PSEN1: variants seen among roughly 807,000 people sequenced by gnomAD.
PSEN1 encodes presenilin 1, also known as presenilin-1.
Under a neutral mutation model 53.5 loss-of-function variants are expected in PSEN1, and 15 were observed. The observed-to-expected ratio is 0.28, with a 90% CI of 0.19 to 0.43. The LOEUF is 0.43. Among genes scored for constraint, PSEN1 ranks in the 20% least tolerant of loss-of-function variants. The probability of loss-of-function intolerance (pLI) is 1.00; values close to 1 mark genes in which losing one functional copy is unlikely to be tolerated. For synonymous variants in PSEN1, 208 were observed against 209.8 expected (o/e 0.99, Z 0.08); for missense variants, 387 against 571.2 (o/e 0.68, Z 3.29).
chr14:73,200,280 G>T (rs576880310), intron 8 of PSEN1, among the ~76,000 whole-genome samples: 18 of 151,308 alleles, frequency 1.2e-4, no homozygotes, highest in African/African-American at 3.2e-4. Context: ...AATCTTTTTT[G>T]TGTGTGTGTG....
At chr14:73,193,606 A>G (rs1480442435) in intron 7 of PSEN1, among the ~76,000 whole-genome samples, 1 of 151,542 alleles carries the variant, frequency 6.6e-6, no homozygotes, top group African/African-American at 2.4e-5. Flanking sequence ...GACACACAAA[A>G]TGCTCAATTC....
In PSEN1 at chr14:73,198,075, G is replaced by T; in HGVS notation, c.814G>T (p.Val272Phe). The T allele has an allele frequency of 6.2e-7, 1 of 1,613,104 alleles. No individual in the cohort carries two copies. The highest frequency in any genetic ancestry group is 1.1e-5 in the South Asian group (1 of 91,002). Residue 272 changes from valine to phenylalanine, a missense_variant, in exon 8 of 12, where the codon GTT becomes TTT. Transcript: ENST00000324501. The stretch of plus-strand genomic sequence containing the variant: ...TCCGAAAGGTCCACTTCGTATGCTG[G>T]TTGAAACAGCTCAGGAGAGAAATGA... ...LCPKGPLRML[V>F]ETAQERNETL...
At chr14:73,194,427 A>T (rs1425262035) in intron 7 of PSEN1, among the ~76,000 whole-genome samples, 2 of 151,758 alleles carry the variant, frequency 1.3e-5, no homozygotes, top group African/African-American at 4.8e-5. Flanking sequence ...TAATTTTTTA[A>T]AAAAAAATTT....
chr14:73,184,653 C>G (rs1595020730), intron 5 of PSEN1, among the ~76,000 whole-genome samples: 1 of 147,294 alleles, frequency 6.8e-6, no homozygotes. Context: ...GGCTGACCCC[C>G]CCACCTCCCT....
intron 3 of PSEN1, among the ~76,000 whole-genome samples, chr14:73,156,725 T>C (rs1021593427): frequency 3.3e-5 from 5 of 151,910 alleles, no homozygotes; most frequent in African/African-American, 9.6e-5. Flanking sequence ...TGCAGTGGCA[T>C]GATCTCGGCT....
intron 1 of PSEN1, among the ~76,000 whole-genome samples, chr14:73,138,642 G>T (rs1448905658): frequency 2.0e-5 from 3 of 151,958 alleles, no homozygotes; most frequent in Non-Finnish European, 2.9e-5. Context: ...ACAAGCCACT[G>T]TGCCTAGCCA....
intron 3 of PSEN1, among the ~76,000 whole-genome samples, chr14:73,152,156 C>T (rs1897250127): frequency 6.7e-6 from 1 of 149,614 alleles, no homozygotes; most frequent in South Asian, 2.1e-4. Context: ...TCGTGATTCG[C>T]CCGTCTCGGC....
intron 8 of PSEN1, among the ~76,000 whole-genome samples, chr14:73,201,066 A>G (rs1422309795): frequency 6.7e-6 from 1 of 148,518 alleles, no homozygotes; most frequent in African/African-American, 2.6e-5. Flanking sequence ...CCAAAAAAAG[A>G]GAATATCTTT....
At chr14:73,142,068 A>C (rs1896945720) in intron 1 of PSEN1, among the ~76,000 whole-genome samples, 1 of 147,498 alleles carries the variant, frequency 6.8e-6, no homozygotes, top group Non-Finnish European at 1.5e-5. Flanking sequence ...CTCCGTCTCA[A>C]AAAAAAAAAA....
Position 73,219,404 on chromosome 14 carries a change from AC to A in PSEN1, c.*116del. 1 of 1,201,584 alleles carries A rather than the reference AC, an allele frequency of 8.3e-7. No individual in the cohort carries two copies. Among genetic ancestry groups the A allele is most frequent in the Admixed American group, 1.7e-5 (1 of 58,572 alleles). The allele number at this position is 1,201,584 out of a possible 1,614,324, so 74.4% of individuals were successfully genotyped here. A position where few individuals can be genotyped will look rare whatever the true frequency, so the allele number is the denominator to read the frequency against. ...TAACAAAGTCAAGATTCCCGGCTGG[AC>A]TTTTGCAGCTTCCTTCCAAGTCTTC... On this transcript the variant is annotated 3_prime_UTR_variant, in exon 12 of 12. Coordinates refer to ENST00000324501, the MANE Select transcript of PSEN1 (RefSeq NM_000021.4).
In PSEN1 at chr14:73,198,027, C is replaced by G. The variant is rs1566645402; in HGVS notation, c.770-4C>G. The G allele has an allele frequency of 6.4e-7, 1 of 1,569,334 alleles. No individual in the cohort carries two copies. The highest frequency in any genetic ancestry group is 8.8e-7 in the Non-Finnish European group (1 of 1,140,238). ...AGATGTCTTTTATGTTTTTCTTTTT[C>G]TAGATTTAGTGGCTGTTTTGTGTCC... On this transcript the variant is annotated splice_polypyrimidine_tract_variant and splice_region_variant and intron_variant, in intron 7 of 11. Coordinates refer to ENST00000324501, the MANE Select transcript of PSEN1 (RefSeq NM_000021.4).
At chr14:73,146,295 C>T (rs1897070267) in intron 1 of PSEN1, among the ~76,000 whole-genome samples, 1 of 151,654 alleles carries the variant, frequency 6.6e-6, no homozygotes, top group Non-Finnish European at 1.5e-5. Flanking sequence ...TCAAGCCATC[C>T]CCCCACCTCA....
chr14:73,147,767 T>C, intron 1 of PSEN1, 28 bp from the exon 2 acceptor site: 1 of 507,416 alleles, frequency 2.0e-6, no homozygotes, highest in South Asian at 2.1e-5. Flanking sequence ...TAACTAACAA[T>C]GGATGACCTG....
intron 9 of PSEN1, among the ~76,000 whole-genome samples, chr14:73,210,023 G>A (rs144417985): frequency 3.0e-4 from 46 of 152,316 alleles, no homozygotes; most frequent in African/African-American, 1.0e-3. Flanking sequence ...AACACTCCCC[G>A]GAAGGGAGGT....
chr14:73,164,980 G>A (rs993105105), intron 3 of PSEN1, among the ~76,000 whole-genome samples: 13 of 150,864 alleles, frequency 8.6e-5, no homozygotes, highest in African/African-American at 3.2e-4. Context: ...TTTTTGAGAC[G>A]GAGTCTCATT....
At chr14:73,201,005 C>G (rs137921477) in intron 8 of PSEN1, among the ~76,000 whole-genome samples, 3 of 152,122 alleles carry the variant, frequency 2.0e-5, no homozygotes, top group African/African-American at 7.2e-5. Flanking sequence ...GAGCCATGAT[C>G]GTGCCACTGC....
chr14:73,164,278 G>A (rs961234766), intron 3 of PSEN1, among the ~76,000 whole-genome samples: 1 of 152,182 alleles, frequency 6.6e-6, no homozygotes, highest in African/African-American at 2.4e-5. Flanking sequence ...GGTCAGAGAT[G>A]GAGATCAACA....
chr14:73,217,948 C>T (rs765838715), intron 11 of PSEN1, among the ~76,000 whole-genome samples: 57 of 151,456 alleles, frequency 3.8e-4, no homozygotes, highest in Admixed American at 1.6e-3. Context: ...CCACCACGCC[C>T]GGCTAATTTT....
intron 3 of PSEN1, among the ~76,000 whole-genome samples, chr14:73,155,869 G>C (rs900613862): frequency 1.3e-5 from 2 of 152,094 alleles, no homozygotes; most frequent in Non-Finnish European, 2.9e-5. Flanking sequence ...CAAACCCATA[G>C]ACTGTATAAC....
Sources: gnomAD v4.1 joint callset for allele counts (sites outside exome capture counted in the v4.1 genomes callset) on GRCh38, gnomAD v4.1.1 for gene constraint, MANE v1.5 for transcripts, NCBI Gene and HGNC (gene_info 2026-07-23, HGNC 2026-07-21) for gene names.